Variants in SAE1 observed in about 807,000 individuals in gnomAD.
SAE1 encodes SUMO1 activating enzyme subunit 1, also known as SUMO-activating enzyme subunit 1.
A neutral mutation model predicts 40.6 loss-of-function variants in SAE1; 11 were observed. That is an observed-to-expected ratio of 0.27 (90% CI 0.17 to 0.45). The LOEUF is 0.45. Ranked by LOEUF, SAE1 falls within the 20% of genes least tolerant of loss-of-function variation. SAE1 has a pLI of 1.00. For synonymous variants in SAE1, 155 were observed against 154.3 expected, an observed-to-expected ratio of 1.00 and a Z score of -0.03; for missense variants, 373 against 427.3, an observed-to-expected ratio of 0.87 and a Z score of 1.12.
chr19:47,192,072 A>G (rs981375646), intron 6 of SAE1, among the ~76,000 whole-genome samples: 22 of 150,824 alleles, frequency 1.5e-4, no homozygotes, highest in Non-Finnish European at 2.9e-4. Context: ...AAAAAGAAAA[A>G]AGAGAGAGAA....
chr19:47,137,972 G>A (rs902883523), intron 1 of SAE1, among the ~76,000 whole-genome samples: 10 of 151,822 alleles, frequency 6.6e-5, no homozygotes, highest in African/African-American at 2.4e-4. Context: ...CAAGTGATCT[G>A]CCCACCTCGG....
chr19:47,201,528 C>T (rs1204513025), intron 7 of SAE1, among the ~76,000 whole-genome samples: 1 of 151,190 alleles, frequency 6.6e-6, no homozygotes, highest in East Asian at 1.9e-4. Context: ...CGTGCCACCA[C>T]GCCCAGCTAA....
intron 6 of SAE1, among the ~76,000 whole-genome samples, chr19:47,191,781 C>T (rs576961437): frequency 4.6e-5 from 7 of 152,054 alleles, no homozygotes; most frequent in East Asian, 1.9e-4. Context: ...ATAGGCCGGG[C>T]GCGGTGGCTC....
intron 2 of SAE1, among the ~76,000 whole-genome samples, chr19:47,147,127 G>A (rs1464018161): frequency 2.0e-5 from 3 of 151,282 alleles, no homozygotes; most frequent in Admixed American, 1.3e-4. Context: ...TGTGTAGCAC[G>A]AGAGGAGAGC....
intron 6 of SAE1, among the ~76,000 whole-genome samples, chr19:47,193,111 G>A (rs2058589940): frequency 6.7e-6 from 1 of 149,206 alleles, no homozygotes; most frequent in Non-Finnish European, 1.5e-5. Flanking sequence ...AGGCTGGAGT[G>A]CAGTGGCACA....
chr19:47,140,069 C>T (rs1259874444), intron 1 of SAE1, among the ~76,000 whole-genome samples: 1 of 150,702 alleles, frequency 6.6e-6, no homozygotes, highest in African/African-American at 2.4e-5. Flanking sequence ...TCCCGAGTAG[C>T]TGAGATTACA....
At chr19:47,164,026 C>T (rs780606960) in intron 5 of SAE1, among the ~76,000 whole-genome samples, 4 of 152,150 alleles carry the variant, frequency 2.6e-5, no homozygotes, top group Non-Finnish European at 5.9e-5. Context: ...ACATCGGCCT[C>T]CCAAAGTTTT....
At chr19:47,145,901 A>T (rs2635773) in intron 2 of SAE1, among the ~76,000 whole-genome samples, 5 of 150,874 alleles carry the variant, frequency 3.3e-5, no homozygotes, top group African/African-American at 1.2e-4. Context: ...TGCTGGTGAT[A>T]GAAAGATGCT....
chr19:47,162,461 G>C (rs2058364482), intron 5 of SAE1, among the ~76,000 whole-genome samples: 1 of 152,100 alleles, frequency 6.6e-6, no homozygotes, highest in Non-Finnish European at 1.5e-5. Context: ...CCAACATTAT[G>C]TATCAGTAAC....
intron 7 of SAE1, among the ~76,000 whole-genome samples, chr19:47,199,364 G>A (rs1469734055): frequency 1.2e-4 from 16 of 135,520 alleles, no homozygotes; most frequent in Non-Finnish European, 1.7e-4. Flanking sequence ...CAGCCTGGGC[G>A]ACAGAGCGAG....
At chr19:47,155,721 C>T (rs1317555538) in intron 5 of SAE1, among the ~76,000 whole-genome samples, 7 of 149,256 alleles carry the variant, frequency 4.7e-5, no homozygotes, top group Non-Finnish European at 8.9e-5. Context: ...GGATTACAGG[C>T]GTGAGCCACC....
At chr19:47,154,072 C>T (rs567103883) in intron 4 of SAE1, among the ~76,000 whole-genome samples, 4 of 149,570 alleles carry the variant, frequency 2.7e-5, no homozygotes, top group African/African-American at 9.9e-5. Context: ...ATTACACAGG[C>T]GTGAGCCACC....
intron 6 of SAE1, among the ~76,000 whole-genome samples, chr19:47,178,727 C>T (rs978432913): frequency 6.6e-6 from 1 of 152,222 alleles, no homozygotes; most frequent in East Asian, 1.9e-4. Context: ...TGCACCTCGG[C>T]CTTCCAGGTG....
chr19:47,182,501 G>GCA (rs770339472), intron 6 of SAE1, among the ~76,000 whole-genome samples: 1 of 148,288 alleles, frequency 6.7e-6, no homozygotes, highest in Admixed American at 6.7e-5. Flanking sequence ...GTGTGTGCGC[G>GCA]CACGCACGCG....
rs745935402 is a variant in SAE1 at position 47,197,327 on chromosome 19, G to C, written c.828G>C (p.Val276=). 2 of 1,614,100 alleles carry C rather than the reference G, an allele frequency of 1.2e-6. No individual in the cohort carries two copies. The highest frequency in any genetic ancestry group is 1.7e-6 in the Non-Finnish European group (2 of 1,179,960). The part of the protein sequence containing the change: ...SELLLQIRND[V]LDSLGISPDL... ...TGTTGCTCCAGATACGAAATGATGT[G>C]CTTGACTCACTGGGTATTAGTCCTG... The change falls in exon 7 of 9, where the codon GTG becomes GTC. Residue 276 remains valine, a synonymous_variant. Transcript: ENST00000270225.
chr19:47,171,953 T>G (rs1001461274), intron 6 of SAE1, among the ~76,000 whole-genome samples: 15 of 152,164 alleles, frequency 9.9e-5, no homozygotes, highest in African/African-American at 3.4e-4. Context: ...GGAGTCTCAC[T>G]CTGTCACCCA....
intron 2 of SAE1, among the ~76,000 whole-genome samples, chr19:47,145,936 G>GTT (rs11321351): frequency 1.5e-5 from 2 of 129,844 alleles, no homozygotes; most frequent in Admixed American, 7.8e-5. Flanking sequence ...CATTCTCAAG[G>GTT]TTTTTTTTTT....
In SAE1 at chr19:47,178,307, G is replaced by A. The variant is rs190073970; in HGVS notation, c.733+8384G>A. ...CACTGAGGAAACCGTTGAAAAATGC[G>A]GAGTGCCTGCTTGTAGCTCACATTA... On this transcript the variant is annotated intron_variant, in intron 6 of 8. Transcript: ENST00000270225. Among the ~76,000 whole-genome samples the A allele has an allele frequency of 8.7e-4, 133 of 152,114 alleles. 2 individuals are homozygous for A. In the Middle Eastern group the frequency reaches 0.041, roughly 47 times the overall value.
chr19:47,197,558 A>T (rs2058624105), intron 7 of SAE1, among the ~76,000 whole-genome samples, 181 bp downstream of exon 7: 1 of 152,216 alleles, frequency 6.6e-6, no homozygotes, highest in African/African-American at 2.4e-5. Context: ...TAAAGAGGGG[A>T]CAGATTCTGA....
Sources: gnomAD v4.1 joint callset for allele counts (sites outside exome capture counted in the v4.1 genomes callset) on GRCh38, gnomAD v4.1.1 for gene constraint, MANE v1.5 for transcripts, NCBI Gene and HGNC (gene_info 2026-07-23, HGNC 2026-07-21) for gene names.